The following SPMIP7 variants were observed in gnomAD, a reference collection of about 807,000 sequenced individuals.
SPMIP7 encodes the protein protein SPMIP7.
the SPMIP7 span, among the ~76,000 whole-genome samples, chr7:50,105,651 CAT>C: frequency 5.3e-5 from 8 of 152,180 alleles, no homozygotes; most frequent in East Asian, 1.9e-4. Flanking sequence ...ATGTCACACA[CAT>C]GGTAGGACTT....
chr7:50,112,558 G>C, the SPMIP7 span, among the ~76,000 whole-genome samples: 2 of 152,152 alleles, frequency 1.3e-5, no homozygotes, highest in African/African-American at 4.8e-5. Context: ...ATAAATTAGA[G>C]AAGATGAAGT....
chr7:50,110,359 T>C, the SPMIP7 span, among the ~76,000 whole-genome samples: 2 of 149,764 alleles, frequency 1.3e-5, no homozygotes, highest in South Asian at 4.2e-4. Flanking sequence ...CAATGATAGA[T>C]TACAACAGGA....
chr7:50,148,125 A>G, the SPMIP7 span, among the ~76,000 whole-genome samples: 1 of 152,244 alleles, frequency 6.6e-6, no homozygotes, highest in Non-Finnish European at 1.5e-5. Flanking sequence ...TTAAGATGGC[A>G]AAATTCCCCT....
the SPMIP7 span, chr7:50,136,132 G>A: frequency 2.6e-6 from 4 of 1,551,382 alleles, no homozygotes; most frequent in Non-Finnish European, 3.5e-6. Flanking sequence ...TTTCAAACAA[G>A]ATCTTTCTTG....
the SPMIP7 span, among the ~76,000 whole-genome samples, chr7:50,107,696 T>C: frequency 6.6e-6 from 1 of 152,090 alleles, no homozygotes; most frequent in Non-Finnish European, 1.5e-5. Flanking sequence ...CAAGCTAAGA[T>C]ACGATTTTTA....
the SPMIP7 span, among the ~76,000 whole-genome samples, chr7:50,156,890 T>A: frequency 1.4e-3 from 207 of 152,080 alleles, no homozygotes; most frequent in African/African-American, 4.9e-3. Context: ...TCCTTTCACT[T>A]CTAAACTTCT....
chr7:50,134,180 A>C, the SPMIP7 span: 1 of 1,550,910 alleles, frequency 6.4e-7, no homozygotes, highest in Non-Finnish European at 8.7e-7. Context: ...CATTGGAAAA[A>C]ACCGCTGACC....
the SPMIP7 span, among the ~76,000 whole-genome samples, chr7:50,139,886 A>G: frequency 2.6e-5 from 4 of 152,352 alleles, no homozygotes; most frequent in South Asian, 8.3e-4. Flanking sequence ...ACACACAACA[A>G]TATAAATGAA....
At chr7:50,106,768 A>G in the SPMIP7 span, among the ~76,000 whole-genome samples, 1 of 152,180 alleles carries the variant, frequency 6.6e-6, no homozygotes, top group Non-Finnish European at 1.5e-5. Flanking sequence ...TGAGCTCACA[A>G]TTTTTGTAAA....
At chr7:50,121,001 A>T in the SPMIP7 span, among the ~76,000 whole-genome samples, 997 of 152,256 alleles carry the variant, frequency 6.5e-3, 8 homozygotes, top group African/African-American at 0.023. Flanking sequence ...TATCCTCCCA[A>T]TAGCCATTAT....
At chr7:50,112,409 G>A in the SPMIP7 span, among the ~76,000 whole-genome samples, 3 of 152,050 alleles carry the variant, frequency 2.0e-5, no homozygotes, top group African/African-American at 7.2e-5. Flanking sequence ...TGCAATGTAG[G>A]ATGATTAGCA....
the SPMIP7 span, chr7:50,129,911 C>T: frequency 4.5e-6 from 3 of 668,870 alleles, no homozygotes; most frequent in East Asian, 8.6e-5. Context: ...GGACATCAAA[C>T]GCAGACATTT....
At chr7:50,114,564 A>C in the SPMIP7 span, among the ~76,000 whole-genome samples, 4 of 152,234 alleles carry the variant, frequency 2.6e-5, no homozygotes, top group African/African-American at 9.6e-5. Context: ...AGATAAAATG[A>C]AATTTTAAAA....
chr7:50,125,825 G>A, the SPMIP7 span, among the ~76,000 whole-genome samples: 20 of 152,002 alleles, frequency 1.3e-4, no homozygotes, highest in African/African-American at 4.8e-4. Flanking sequence ...GAGCTGAGGG[G>A]TGGAGAAAAT....
the SPMIP7 span, among the ~76,000 whole-genome samples, chr7:50,145,455 T>G: frequency 4.0e-5 from 6 of 149,636 alleles, no homozygotes; most frequent in African/African-American, 1.2e-4. Context: ...ACATAAAAAT[T>G]GAATCATCTG....
At chr7:50,149,996 C>A in the SPMIP7 span, among the ~76,000 whole-genome samples, 6 of 152,070 alleles carry the variant, frequency 3.9e-5, no homozygotes, top group Non-Finnish European at 8.8e-5. Flanking sequence ...CATGGGGAAC[C>A]GGGGACTGAA....
At chr7:50,138,816 A>G in the SPMIP7 span, among the ~76,000 whole-genome samples, 2 of 152,028 alleles carry the variant, frequency 1.3e-5, no homozygotes, top group African/African-American at 4.8e-5. Flanking sequence ...GAAATACACA[A>G]CGCTGTACTC....
chr7:50,139,219 C>T, the SPMIP7 span, among the ~76,000 whole-genome samples: 6 of 151,590 alleles, frequency 4.0e-5, no homozygotes, highest in African/African-American at 1.5e-4. Context: ...TGTGGTGGCA[C>T]GTGCCTGTAA....
At chr7:50,148,988 T>C in the SPMIP7 span, among the ~76,000 whole-genome samples, 2 of 152,048 alleles carry the variant, frequency 1.3e-5, no homozygotes, top group Non-Finnish European at 2.9e-5. Flanking sequence ...CTACTAAAAA[T>C]ACAAAAGTTA....
Sources: gnomAD v4.1 joint callset for allele counts (sites outside exome capture counted in the v4.1 genomes callset) on GRCh38, gnomAD v4.1.1 for gene constraint, MANE v1.5 for transcripts, NCBI Gene and HGNC (gene_info 2026-07-23, HGNC 2026-07-21) for gene names.